The following MARCHF2 variants were observed in gnomAD, a reference collection of about 807,000 sequenced individuals.
MARCHF2 encodes E3 ubiquitin-protein ligase MARCHF2.
Under a neutral mutation model 24.0 loss-of-function variants are expected in MARCHF2, and 22 were observed. That is an observed-to-expected ratio of 0.92 (90% CI 0.66 to 1.31). MARCHF2 has a LOEUF of 1.31. MARCHF2 is among the 50% of genes most tolerant of loss of function. The pLI is 0.00. For missense variants in MARCHF2, 301 were observed against 335.3 expected, an observed-to-expected ratio of 0.90 and a Z score of 0.80; for synonymous variants, 154 against 153.0, an observed-to-expected ratio of 1.01 and a Z score of -0.05.
At position 8,426,161 on chromosome 19, in the gene MARCHF2, G is replaced by A. The variant is rs528832669; in HGVS notation, c.177-448G>A. On this transcript the variant is annotated intron_variant, in intron 2 of 4. Coordinates refer to ENST00000215555, the MANE Select transcript of MARCHF2 (RefSeq NM_001005415.2). ...TGGGAGAATGGCGTGAACCCGGGAG[G>A]CGGAGCTTGCAGTGAGCCGAGATCG... Among the ~76,000 whole-genome samples, 308 of 150,720 alleles carry A rather than the reference G, an allele frequency of 2.0e-3. 1 individual carries two copies. Among genetic ancestry groups the A allele is most frequent in the Middle Eastern group, 0.01 (3 of 292 alleles).
chr19:8,426,538 T>A (rs1967405789), intron 2 of MARCHF2, 71 bp from the exon 3 acceptor site: 2 of 1,288,982 alleles, frequency 1.6e-6, no homozygotes, highest in Non-Finnish European at 2.2e-6. Context: ...GAGCTTGTGA[T>A]CCAGTGGGTA....
Position 8,416,627 on chromosome 19 carries a change from T to G in MARCHF2, c.-53+3207T>G, listed in dbSNP as rs961368067. Among the ~76,000 whole-genome samples, 17 of 152,224 alleles carry G rather than the reference T, an allele frequency of 1.1e-4. 1 individual carries two copies. In the East Asian group the frequency reaches 3.1e-3, roughly 28 times the overall value. ...CTCTGTGGCCCAGGCTGGAGTGCAG[T>G]TGTGTGATCATGGCTCACTGCAGCC... On this transcript the variant is annotated intron_variant, in intron 1 of 4. Transcript: ENST00000215555.
intron 3 of MARCHF2, among the ~76,000 whole-genome samples, chr19:8,429,599 G>T (rs2145562135): frequency 6.6e-6 from 1 of 151,424 alleles, no homozygotes; most frequent in South Asian, 2.1e-4. Context: ...CCACCTCCTG[G>T]GTTCAAGCAA....
intron 1 of MARCHF2, among the ~76,000 whole-genome samples, chr19:8,417,667 A>T (rs1967117300): frequency 6.8e-6 from 1 of 147,596 alleles, no homozygotes; most frequent in African/African-American, 2.5e-5. Context: ...CGAACTCCTG[A>T]CTTCAGGTGA....
At chr19:8,414,055 C>A (rs879900475) in intron 1 of MARCHF2, among the ~76,000 whole-genome samples, 8 of 152,168 alleles carry the variant, frequency 5.3e-5, no homozygotes, top group Non-Finnish European at 1.0e-4. Flanking sequence ...AACCTTGCTT[C>A]TCATGCAGGG....
rs551322650 is a variant in MARCHF2, at chr19:8,421,519, G to A, written c.-52-270G>A. 5.9e-5 allele frequency among the ~76,000 whole-genome samples: 9 copies of A among 151,708 alleles called. No individual in the cohort carries two copies. In the South Asian group the frequency reaches 6.3e-4, roughly 11 times the overall value. Reference sequence around the variant, plus strand: ...TGGGATTACAGGCGTCAGCCACCGCGCCTGGCCAGGGAAGCATAGCTTTTC... The same window carrying A: ...TGGGATTACAGGCGTCAGCCACCGCACCTGGCCAGGGAAGCATAGCTTTTC... On this transcript the variant is annotated intron_variant, in intron 1 of 4. Coordinates refer to ENST00000215555, the MANE Select transcript of MARCHF2 (RefSeq NM_001005415.2).
intron 4 of MARCHF2, among the ~76,000 whole-genome samples, chr19:8,437,545 G>A (rs570120659): frequency 1.1e-4 from 17 of 150,186 alleles, no homozygotes; most frequent in South Asian, 6.3e-4. Context: ...TAGAGATGGC[G>A]TTTCACCGTG....
At chr19:8,437,697 T>G (rs1362225432) in intron 4 of MARCHF2, among the ~76,000 whole-genome samples, 1 of 150,374 alleles carries the variant, frequency 6.7e-6, no homozygotes, top group Admixed American at 6.6e-5. Context: ...TTTTTTTTTT[T>G]GTTTGCACGT....
In MARCHF2 at chr19:8,438,729, G is replaced by GTTTT. The variant is rs370862443; in HGVS notation, c.*199_*202dup. 3.5e-5 allele frequency: 13 copies of GTTTT among 376,010 alleles called. No homozygotes were observed. Among genetic ancestry groups the GTTTT allele is most frequent in the South Asian group, 6.8e-5 (2 of 29,540 alleles). The allele number at this position is 376,010 out of a possible 1,614,324, so 23.3% of individuals were successfully genotyped here. ...GATCCTGTGTGAAGATATTTTCAGG[G>GTTTT]TTTTTTTTTTTTTTTTTTTGCATAT... is the stretch of plus-strand genomic sequence containing the variant. On this transcript the variant is annotated 3_prime_UTR_variant, in exon 5 of 5. Transcript: ENST00000215555.
intron 1 of MARCHF2, among the ~76,000 whole-genome samples, chr19:8,420,075 G>A (rs1295644532): frequency 6.7e-6 from 1 of 150,004 alleles, no homozygotes; most frequent in Non-Finnish European, 1.5e-5. Flanking sequence ...GGAGAATGGT[G>A]TGAACCCAGG....
rs1014042018 is a variant in MARCHF2 at position 8,430,983 on chromosome 19, G to A, written c.582+116G>A. ...GGGCTCCCTGGCTGCCTCTGTCTAT[G>A]GCCGTGGGTGGAAGAGAGCTTCTGA... is the stretch of plus-strand genomic sequence containing the variant. On this transcript the variant is annotated intron_variant, in intron 4 of 4. Transcript: ENST00000215555. This position sits in a 1 kb window ranked among gnomAD's most constrained non-coding sequence, Gnocchi z 4.4. 10 of 1,033,482 alleles carry A rather than the reference G, an allele frequency of 9.7e-6. No individual in the cohort carries two copies. The highest frequency in any genetic ancestry group is 1.6e-5 in the African/African-American group (1 of 62,444). 64.0% of individuals were successfully genotyped at this position (1,033,482 alleles called of 1,614,324 possible). A position where few individuals can be genotyped will look rare whatever the true frequency, so the allele number is the denominator to read the frequency against.
At position 8,438,628 on chromosome 19, in the gene MARCHF2, A is replaced by G. The variant is rs1484584266; in HGVS notation, c.*82A>G. On this transcript the variant is annotated 3_prime_UTR_variant, in exon 5 of 5. Coordinates refer to ENST00000215555, the MANE Select transcript of MARCHF2 (RefSeq NM_001005415.2). ...GTCCTGTGGAAGGACTTCCACTTCA[A>G]CACTTCCACTTCAACAGTTCCCGCA... 8.4e-6 allele frequency: 12 copies of G among 1,426,214 alleles called. No homozygotes were observed. In the Admixed American group the frequency reaches 2.5e-4, roughly 30 times the overall value. 88.3% of individuals were successfully genotyped at this position (1,426,214 alleles called of 1,614,324 possible). A position where few individuals can be genotyped will look rare whatever the true frequency, so the allele number is the denominator to read the frequency against.
intron 1 of MARCHF2, among the ~76,000 whole-genome samples, chr19:8,416,435 G>A (rs1418494456): frequency 6.6e-6 from 1 of 151,962 alleles, no homozygotes; most frequent in African/African-American, 2.4e-5. Flanking sequence ...ACAGCGGGAG[G>A]CAATCTGACA....
At chr19:8,426,173 G>T (rs1967394397) in intron 2 of MARCHF2, among the ~76,000 whole-genome samples, 2 of 147,562 alleles carry the variant, frequency 1.4e-5, no homozygotes, top group Non-Finnish European at 3.0e-5. Context: ...GGAGCTTGCA[G>T]TGAGCCGAGA....
chr19:8,427,910 G>T (rs1423050951), intron 3 of MARCHF2: 1 of 151,600 alleles, frequency 6.6e-6, no homozygotes, highest in East Asian at 1.9e-4. Flanking sequence ...GAGGTCAGGA[G>T]TTAAAGACCA....
At position 8,430,184 on chromosome 19, in the gene MARCHF2, T is replaced by C. The variant is rs1967539132; in HGVS notation, c.373-474T>C. The stretch of plus-strand genomic sequence containing the variant: ...TTCGAGACCAGCCTGACAAACATGG[T>C]GAAACCCCATCTCTACTAAAAATAC... On this transcript the variant is annotated intron_variant, in intron 3 of 4. Coordinates refer to ENST00000215555, the MANE Select transcript of MARCHF2 (RefSeq NM_001005415.2). The surrounding 1 kb of genome is among the most constrained non-coding windows in gnomAD (Gnocchi z 4.4). Among the ~76,000 whole-genome samples, 1 of 151,956 alleles carries C rather than the reference T, an allele frequency of 6.6e-6. No individual in the cohort carries two copies. The highest frequency in any genetic ancestry group is 1.5e-5 in the Non-Finnish European group (1 of 67,994).
chr19:8,417,357 T>C (rs1044624107), intron 1 of MARCHF2, among the ~76,000 whole-genome samples: 1 of 152,088 alleles, frequency 6.6e-6, no homozygotes, highest in African/African-American at 2.4e-5. Flanking sequence ...AGCAGGAGAA[T>C]TGCTTGAACC....
At chr19:8,421,614 C>T (rs1012297169) in intron 1 of MARCHF2, among the ~76,000 whole-genome samples, 175 bp from the exon 2 acceptor site, 37 of 152,066 alleles carry the variant, frequency 2.4e-4, no homozygotes, top group Admixed American at 1.6e-3. Flanking sequence ...TTACATGCAT[C>T]GTCTCCTTGA....
At chr19:8,419,425 C>T (rs947054131) in intron 1 of MARCHF2, among the ~76,000 whole-genome samples, 3 of 152,034 alleles carry the variant, frequency 2.0e-5, no homozygotes, top group Non-Finnish European at 4.4e-5. Flanking sequence ...GCCCGGGAGG[C>T]GGAGGTTGCA....
Sources: allele counts gnomAD v4.1 joint callset (sites outside exome capture counted in the v4.1 genomes callset), GRCh38; gene constraint gnomAD v4.1.1; non-coding constraint Gnocchi (gnomAD v3.1); transcripts MANE v1.5; gene names NCBI Gene and HGNC (gene_info 2026-07-23, HGNC 2026-07-21).